Variants in KMT2D observed in about 807,000 individuals in gnomAD.
The protein encoded by KMT2D is lysine methyltransferase 2D, also known as histone-lysine N-methyltransferase 2D.
Under a neutral mutation model 512.7 loss-of-function variants are expected in KMT2D, and 55 were observed. The observed-to-expected ratio is 0.11, with a 90% CI of 0.09 to 0.13. KMT2D has a LOEUF of 0.13. Among genes scored for constraint, KMT2D ranks in the 10% least tolerant of loss-of-function variants. KMT2D has a pLI of 1.00. For missense variants in KMT2D, 6,061 were observed against 7,127.9 expected (o/e 0.85, Z 5.39); for synonymous variants, 2,995 against 2,904.0 (o/e 1.03, Z -1.01).
At position 49,051,508 on chromosome 12, in the gene KMT2D, C is replaced by G. The variant is rs2120671086; in HGVS notation, c.2175G>C (p.Leu725=). Residue 725 remains leucine, a synonymous_variant, in exon 11 of 55, where the codon CTG becomes CTC. Transcript: ENST00000301067. Reference sequence around the variant, plus strand: ...GTTGCGGCTCCTCAGGTAGTGGCAACAGGGGTGACTCCTCCAGCGGCAGGG... The same window carrying G: ...GTTGCGGCTCCTCAGGTAGTGGCAAGAGGGGTGACTCCTCCAGCGGCAGGG... ...LMSLPLEESP[L]LPLPEEPQLC... 6.2e-7 allele frequency: 1 copy of G among 1,613,616 alleles called. No individual in the cohort carries two copies. The highest frequency in any genetic ancestry group is 8.5e-7 in the Non-Finnish European group (1 of 1,179,732).
In KMT2D at chr12:49,033,749, G is replaced by T. The variant is rs541649513; in HGVS notation, c.10956C>A (p.Ala3652=). 1 of 1,612,688 alleles carries T rather than the reference G, an allele frequency of 6.2e-7. No individual in the cohort carries two copies. Among genetic ancestry groups the T allele is most frequent in the Non-Finnish European group, 8.5e-7 (1 of 1,179,534 alleles). ...QPPQGPPGGQ[A]GGLRLTPGGM... is the part of the protein sequence containing the mutation. ...CCCCAGGGGTCAGGCGAAGACCTCC[G>T]GCTTGCCCACCCGGAGGCCCCTGTG... is the stretch of plus-strand genomic sequence containing the variant. Residue 3652 remains alanine (A), a synonymous_variant, in exon 40 of 55, where the codon GCC becomes GCA. Transcript: ENST00000301067.
chr12:49,034,892 T>C lies in KMT2D; in HGVS notation c.10275A>G (p.Ala3425=), dbSNP rs1565782202. ...FAAEDIIDPI[A]KAKMVALKGI... The stretch of plus-strand genomic sequence containing the variant: ...CTTTCAAAGCCACCATCTTGGCCTT[T>C]GCAATGGGATCAATGATATCTTCTG... Residue 3425 remains alanine, a synonymous_variant, in exon 36 of 55, where the codon GCA becomes GCG. Transcript: ENST00000301067. 1 of 1,613,994 alleles carries C rather than the reference T, an allele frequency of 6.2e-7. No homozygotes were observed. Among genetic ancestry groups the C allele is most frequent in the African/African-American group, 1.3e-5 (1 of 75,026 alleles).
At position 49,027,087 on chromosome 12, in the gene KMT2D, C is replaced by A. The variant is rs370465399; in HGVS notation, c.14879G>T (p.Arg4960Leu). The A allele has an allele frequency of 5.0e-6, 8 of 1,610,926 alleles. No homozygotes were observed. The highest frequency in any genetic ancestry group is 5.9e-6 in the Non-Finnish European group (7 of 1,177,926). Residue 4960 changes from arginine to leucine, a missense_variant, in exon 49 of 55, where the codon CGA becomes CTA. By Grantham distance (102) the Arg-to-Leu change is moderately radical (BLOSUM62 -2). This residue lies in a region of KMT2D where 1,600 missense variants were observed against 1,754.9 expected (regional missense o/e 0.91). Coordinates refer to ENST00000301067, the MANE Select transcript of KMT2D (RefSeq NM_003482.4). Reference sequence around the variant, plus strand: ...AGGGGGCCGGGCACGGGGCTTGGGTCGGGCTGATTCAGGGGATGAGGCCAG... The same window carrying A: ...AGGGGGCCGGGCACGGGGCTTGGGTAGGGCTGATTCAGGGGATGAGGCCAG... ...LPLASSPESA[R>L]PKPRARPPEE...
chr12:49,040,602 G>C lies in KMT2D; in HGVS notation c.7168C>G (p.Pro2390Ala), dbSNP rs1464442467. Residue 2390 changes from proline (P) to alanine (A), a missense_variant, in exon 32 of 55, where the codon CCG becomes GCG. By Grantham distance (27) the Pro-to-Ala change is conservative. Transcript: ENST00000301067. ...AGAGCACAGCAGCTCTCAGGGGGCG[G>C]AGGTTGGGGCCGAGGAGTCAATGGG... ...QPPLTPRPQP[P>A]PPESCCALPP... 6.2e-7 allele frequency: 1 copy of C among 1,613,594 alleles called. No individual in the cohort carries two copies. Among genetic ancestry groups the C allele is most frequent in the Non-Finnish European group, 8.5e-7 (1 of 1,179,728 alleles).
At position 49,050,444 on chromosome 12, in the gene KMT2D, T is replaced by C. The variant is rs763491738; in HGVS notation, c.3144A>G (p.Pro1048=). ...PPSQCSPPAL[P]LSVPSPLSPI... ...GACTCAACGGGGAGGGAACGGACAGTGGTAGGGCAGGAGGAGAGCACTGGG... is the reference window on the plus strand; with the variant it reads ...GACTCAACGGGGAGGGAACGGACAGCGGTAGGGCAGGAGGAGAGCACTGGG... The change falls in exon 12 of 55, where the codon CCA becomes CCG. Residue 1048 remains proline (P), a synonymous_variant. Coordinates refer to ENST00000301067, the MANE Select transcript of KMT2D (RefSeq NM_003482.4). The C allele has an allele frequency of 6.2e-7, 1 of 1,613,188 alleles. No homozygotes were observed. Among genetic ancestry groups the C allele is most frequent in the South Asian group, 1.1e-5 (1 of 91,040 alleles).
chr12:49,058,537 C>T (rs1938547003), intron 1 of KMT2D, among the ~76,000 whole-genome samples: 1 of 152,106 alleles, frequency 6.6e-6, no homozygotes, highest in Non-Finnish European at 1.5e-5. Flanking sequence ...CCAAGCAAGG[C>T]CCACAGGATT....
rs886042311 is a variant in KMT2D, at chr12:49,050,183, T to C, written c.3405A>G (p.Pro1135=). 4 of 1,613,822 alleles carry C rather than the reference T, an allele frequency of 2.5e-6. No homozygotes were observed. The Admixed American group carries it at 5.0e-5, about 20-fold the overall frequency. The part of the protein sequence containing the change: ...LDGIDAPGSQ[P]EPGQTPGSLA... Reference sequence around the variant, plus strand: ...AACTGCCAGGGGTCTGTCCAGGCTCTGGCTGTGAACCCGGAGCATCAATCC... The same window carrying C: ...AACTGCCAGGGGTCTGTCCAGGCTCCGGCTGTGAACCCGGAGCATCAATCC... Residue 1135 remains proline (P), a synonymous_variant, in exon 12 of 55, where the codon CCA becomes CCG. Transcript: ENST00000301067.
Position 49,046,291 on chromosome 12 carries a change from C to T in KMT2D, c.4552G>A (p.Asp1518Asn), listed in dbSNP as rs2120603896. The T allele has an allele frequency of 6.2e-7, 1 of 1,613,990 alleles. No individual in the cohort carries two copies. The highest frequency in any genetic ancestry group is 1.1e-5 in the South Asian group (1 of 91,086). ...PICHAPYVEE[D>N]LLIQCRHCER... is the part of the protein sequence containing the mutation. ...CAGTGGCGGCACTGGATTAGTAGGT[C>T]CTCTTCTACGTAAGGAGCATGACAG... The change falls in exon 17 of 55, where the codon GAC (aspartate) becomes AAC (asparagine). Residue 1518 changes from aspartate to asparagine, a missense_variant. Asp to Asn is a conservative substitution (Grantham distance 23). Coordinates refer to ENST00000301067, the MANE Select transcript of KMT2D (RefSeq NM_003482.4). The surrounding 1 kb of genome is among the most constrained non-coding windows in gnomAD (Gnocchi z 4.2).
Position 49,050,022 on chromosome 12 carries a change from C to T in KMT2D, c.3566G>A (p.Arg1189His), listed in dbSNP as rs1350491800. The T allele has an allele frequency of 2.9e-5, 46 of 1,613,804 alleles. No individual in the cohort carries two copies. The highest frequency in any genetic ancestry group is 3.4e-5 in the Non-Finnish European group (40 of 1,179,906). ...GGGTGGTGTGGGGGCCACCGGTGCACGTGGCTCTTCCTGTTCTTCACATGG... is the reference window on the plus strand; with the variant it reads ...GGGTGGTGTGGGGGCCACCGGTGCATGTGGCTCTTCCTGTTCTTCACATGG... ...GSPCEEQEEP[R>H]APVAPTPPTL... The change falls in exon 12 of 55, where the codon CGT (arginine) becomes CAT (histidine). Residue 1189 changes from arginine to histidine, a missense_variant. Arg to His is a conservative substitution (Grantham distance 29). Transcript: ENST00000301067.
chr12:49,036,603 C>T (rs1943232165), intron 35 of KMT2D, among the ~76,000 whole-genome samples: 1 of 151,256 alleles, frequency 6.6e-6, no homozygotes, highest in Non-Finnish European at 1.5e-5. Context: ...ACTCTCCTGC[C>T]TCAGCCTCCC....
chr12:49,058,134 C>A (rs1430974351), intron 1 of KMT2D, among the ~76,000 whole-genome samples: 1 of 152,218 alleles, frequency 6.6e-6, no homozygotes, highest in Non-Finnish European at 1.5e-5. Flanking sequence ...CCTCTTCCCA[C>A]CCCCATTTTG....
Position 49,023,936 on chromosome 12 carries a change from G to A in KMT2D, c.16052+642C>T, listed in dbSNP as rs191619437. 30 of 391,326 alleles carry A rather than the reference G, an allele frequency of 7.7e-5. 1 individual carries two copies. In the East Asian group the frequency reaches 2.0e-3, roughly 26 times the overall value. 24.2% of individuals were successfully genotyped at this position (391,326 alleles called of 1,614,324 possible). A position where few individuals can be genotyped will look rare whatever the true frequency, so the allele number is the denominator to read the frequency against. ...TGGTACACAGAAAGAACAAGGACCT[G>A]CAGTGAAGAAGTAAGGGTCTGGTCC... On this transcript the variant is annotated intron_variant, in intron 51 of 54. Transcript: ENST00000301067.
At chr12:49,031,116 C>T (rs1942885024) in intron 40 of KMT2D, 59 bp downstream of exon 40, 1 of 1,609,956 alleles carries the variant, frequency 6.2e-7, no homozygotes, top group Non-Finnish European at 8.5e-7. Flanking sequence ...CTCACTCATT[C>T]TGCCCCCCGC....
In KMT2D at chr12:49,044,663, C is replaced by A; in HGVS notation, c.4963+81G>T. On this transcript the variant is annotated intron_variant, in intron 20 of 54. Transcript: ENST00000301067. The surrounding 1 kb of genome is among the most constrained non-coding windows in gnomAD (Gnocchi z 6.4). ...GCAGTGCTTAAGGGTAACTGAGTGG[C>A]AATGTAGCCCCCACCCAACATCCCA... 1 of 1,541,630 alleles carries A rather than the reference C, an allele frequency of 6.5e-7. No homozygotes were observed. Among genetic ancestry groups the A allele is most frequent in the Non-Finnish European group, 8.9e-7 (1 of 1,127,062 alleles).
Position 49,022,931 on chromosome 12 carries a change from C to T in KMT2D, c.16053-56G>A, listed in dbSNP as rs1942396307. 1.3e-6 allele frequency: 2 copies of T among 1,482,500 alleles called. No individual in the cohort carries two copies. The highest frequency in any genetic ancestry group is 1.4e-5 in the African/African-American group (1 of 71,562). 91.8% of individuals were successfully genotyped at this position (1,482,500 alleles called of 1,614,324 possible). On this transcript the variant is annotated intron_variant, in intron 51 of 54. Transcript: ENST00000301067. This position sits in a 1 kb window ranked among gnomAD's most constrained non-coding sequence, Gnocchi z 8.6. ...GCTCTCCCTCAGACCAAGTACATACCACCCACCTCCTCTGCCACCTCCTGG... is the reference window on the plus strand; with the variant it reads ...GCTCTCCCTCAGACCAAGTACATACTACCCACCTCCTCTGCCACCTCCTGG...
In KMT2D at chr12:49,026,710, G is replaced by A. The variant is rs727503979; in HGVS notation, c.15256C>T (p.Arg5086Ter). The part of the protein sequence containing the change: ...ALMNVEVALH[R>*]GLLTKCSLCQ... ...AGGGAGCACTTGGTTAGCAGTCCTC[G>A]GTGCAGGGCAACCTCCACATTCATC... Residue 5086 changes from arginine to a stop codon, truncating the protein, a stop_gained, in exon 49 of 55, where the codon CGA becomes TGA. Coordinates refer to ENST00000301067, the MANE Select transcript of KMT2D (RefSeq NM_003482.4). LOFTEE classifies it high-confidence loss of function. The surrounding 1 kb of genome is among the most constrained non-coding windows in gnomAD (Gnocchi z 9.6). The A allele has an allele frequency of 6.2e-7, 1 of 1,613,970 alleles. No homozygotes were observed. Among genetic ancestry groups the A allele is most frequent in the Non-Finnish European group, 8.5e-7 (1 of 1,179,886 alleles).
rs1225099879 is a variant in KMT2D at position 49,028,020 on chromosome 12, G to A, written c.14504C>T (p.Ala4835Val). 4 of 1,613,474 alleles carry A rather than the reference G, an allele frequency of 2.5e-6. No individual in the cohort carries two copies. In the East Asian group the frequency reaches 8.9e-5, roughly 36 times the overall value. ...CCTGCCACACTCACCAGGACCCTCAGCTTCCCCCTTCTTTGGCTCAGTGCC... is the reference window on the plus strand; with the variant it reads ...CCTGCCACACTCACCAGGACCCTCAACTTCCCCCTTCTTTGGCTCAGTGCC... ...RAGTEPKKGE[A>V]EGPGGKEKGL... Residue 4835 changes from alanine to valine, a missense_variant, in exon 47 of 55, where the codon GCT becomes GTT. This residue lies in a region of KMT2D where 1,600 missense variants were observed against 1,754.9 expected (regional missense o/e 0.91). Coordinates refer to ENST00000301067, the MANE Select transcript of KMT2D (RefSeq NM_003482.4).
rs773544739 is a variant in KMT2D at position 49,032,758 on chromosome 12, T to C, written c.11947A>G (p.Thr3983Ala). Residue 3983 changes from threonine to alanine, a missense_variant, in exon 40 of 55, where the codon ACT (threonine) becomes GCT (alanine). Physicochemically the swap from Thr to Ala is moderately conservative, Grantham distance 58. Around this residue, in one of 16 missense-constraint regions of KMT2D, gnomAD observed 1,600 missense variants for 1,754.9 expected, o/e 0.91. Transcript: ENST00000301067. ...QQMGLLNQSR[T>A]LLSPQQQQQQ... ...TGTTGTTGCTGAGGAGACAGTAAAG[T>C]TCGACTCTGGTTTAAAAGGCCCATC... The C allele has an allele frequency of 1.3e-6, 2 of 1,576,532 alleles. No individual in the cohort carries two copies. Among genetic ancestry groups the C allele is most frequent in the Non-Finnish European group, 1.7e-6 (2 of 1,160,364 alleles).
chr12:49,027,334 T>C lies in KMT2D; in HGVS notation c.14644-12A>G. On this transcript the variant is annotated splice_polypyrimidine_tract_variant and intron_variant, in intron 48 of 54. Coordinates refer to ENST00000301067, the MANE Select transcript of KMT2D (RefSeq NM_003482.4). ...GGGGCGGGGCTCTCCTGTAGGAGGG[T>C]GCCCTGTATCATTAGTGCCAGCTCC... is the stretch of plus-strand genomic sequence containing the variant. 6.6e-7 allele frequency: 1 copy of C among 1,507,452 alleles called. No homozygotes were observed. The highest frequency in any genetic ancestry group is 8.8e-7 in the Non-Finnish European group (1 of 1,130,364). The allele number at this position is 1,507,452 out of a possible 1,614,324, so 93.4% of individuals were successfully genotyped here.
Sources: gnomAD v4.1 joint callset for allele counts (sites outside exome capture counted in the v4.1 genomes callset) on GRCh38, gnomAD v4.1.1 for gene constraint, gnomAD v4.1.1 regional missense constraint, Gnocchi (gnomAD v3.1) non-coding constraint, MANE v1.5 for transcripts, NCBI Gene and HGNC (gene_info 2026-07-23, HGNC 2026-07-21) for gene names.